Variants in PAPPA observed in about 807,000 individuals in gnomAD.
The protein encoded by PAPPA is pappalysin 1, also known as pappalysin-1.
In PAPPA, 60 loss-of-function variants were observed where a neutral mutation model predicts 164.0. The ratio of observed to expected loss-of-function variants is 0.37; its 90% CI spans 0.30 to 0.45. The LOEUF (loss-of-function observed/expected upper bound fraction) is 0.45. PAPPA is among the 20% of genes least tolerant of loss of function. The pLI, the probability that PAPPA is intolerant of heterozygous loss-of-function variation, is 1.00. For synonymous variants in PAPPA, 875 were observed against 814.1 expected, an observed-to-expected ratio of 1.07 and a Z score of -1.27; for missense variants, 1,782 against 2,087.3, an observed-to-expected ratio of 0.85 and a Z score of 2.85.
At chr9:116,300,260 C>G (rs76144739) in intron 9 of PAPPA, among the ~76,000 whole-genome samples, 24 of 150,706 alleles carry the variant, frequency 1.6e-4, no homozygotes, top group Admixed American at 1.1e-3. Flanking sequence ...TTCTGTTTTT[C>G]TTTTGTTTTG....
intron 1 of PAPPA, among the ~76,000 whole-genome samples, chr9:116,183,888 C>T (rs567122669): frequency 4.6e-5 from 7 of 152,224 alleles, no homozygotes; most frequent in South Asian, 2.1e-4. Context: ...TCCCAAGCCC[C>T]GGCAAGGTTC....
Position 116,332,326 on chromosome 9 carries a change from A to G in PAPPA, c.3262-7A>G. On this transcript the variant is annotated splice_region_variant and splice_polypyrimidine_tract_variant and intron_variant, in intron 11 of 21. Transcript: ENST00000328252. The stretch of plus-strand genomic sequence containing the variant: ...CATGTGACCCTCCTACGTCTTCACA[A>G]TTTCAGGCGTATTTTTCTCAACCAA... The G allele has an allele frequency of 6.2e-7, 1 of 1,611,162 alleles. No individual in the cohort carries two copies. Among genetic ancestry groups the G allele is most frequent in the Non-Finnish European group, 8.5e-7 (1 of 1,177,900 alleles).
chr9:116,154,394 C>A lies in PAPPA; in HGVS notation c.222C>A (p.Val74=). Residue 74 remains valine (V), a synonymous_variant, in exon 1 of 22, where the codon GTC becomes GTA. Coordinates refer to ENST00000328252, the MANE Select transcript of PAPPA (RefSeq NM_002581.5). The surrounding 1 kb of genome is among the most constrained non-coding windows in gnomAD (Gnocchi z 5.2). ...PPGGAWEAVR[V]PRRRQQREAR... ...GCGGTGCCTGGGAAGCCGTGCGCGT[C>A]CCCCGGCGGCGGCAGCAGCGGGAGG... 1.8e-6 allele frequency: 2 copies of A among 1,130,026 alleles called. No homozygotes were observed. The highest frequency in any genetic ancestry group is 2.2e-6 in the Non-Finnish European group (2 of 892,168). 70.0% of individuals were successfully genotyped at this position (1,130,026 alleles called of 1,614,324 possible).
chr9:116,363,419 G>A (rs1377516444), intron 18 of PAPPA, among the ~76,000 whole-genome samples: 1 of 152,156 alleles, frequency 6.6e-6, no homozygotes, highest in Non-Finnish European at 1.5e-5. Flanking sequence ...TCTTTGCATG[G>A]TGACAGGCCA....
rs555045945 is a variant in PAPPA at position 116,240,648 on chromosome 9, T to C, written c.2732+5011T>C. The stretch of plus-strand genomic sequence containing the variant: ...ACATAGATAATCTCATTTGATCTAA[T>C]CATCCCAACAACCCCACAATGTAGG... On this transcript the variant is annotated intron_variant, in intron 7 of 21. Coordinates refer to ENST00000328252, the MANE Select transcript of PAPPA (RefSeq NM_002581.5). Among the ~76,000 whole-genome samples the C allele has an allele frequency of 5.9e-5, 9 of 152,334 alleles. No individual in the cohort carries two copies. In the East Asian group the frequency reaches 1.5e-3, roughly 26 times the overall value.
At chr9:116,220,226 C>T in intron 5 of PAPPA, 97 bp downstream of exon 5, 1 of 930,220 alleles carries the variant, frequency 1.1e-6, no homozygotes, top group Non-Finnish European at 1.6e-6. Flanking sequence ...GATTTTACTG[C>T]ATTTCTTGTT....
intron 6 of PAPPA, among the ~76,000 whole-genome samples, chr9:116,231,009 A>C (rs888931462): frequency 6.6e-6 from 1 of 152,022 alleles, no homozygotes; most frequent in African/African-American, 2.4e-5. Flanking sequence ...GGTGTGCTTA[A>C]CTATTCACCT....
intron 1 of PAPPA, among the ~76,000 whole-genome samples, chr9:116,176,965 A>G (rs1248578609): frequency 1.5e-5 from 2 of 129,892 alleles, no homozygotes; most frequent in African/African-American, 5.5e-5. Context: ...GAGAGGAAAG[A>G]CCCCCCCCCC....
At chr9:116,167,010 A>T (rs1407895415) in intron 1 of PAPPA, among the ~76,000 whole-genome samples, 1 of 152,236 alleles carries the variant, frequency 6.6e-6, no homozygotes, top group Non-Finnish European at 1.5e-5. Context: ...CTGAATGAAC[A>T]TTATAAGATT....
chr9:116,231,766 C>CTTTCTT (rs752926276), intron 6 of PAPPA, among the ~76,000 whole-genome samples: 1 of 57,524 alleles, frequency 1.7e-5, no homozygotes, highest in Non-Finnish European at 3.1e-5. Context: ...TTTTCTTTTT[C>CTTTCTT]TTTTTTTTTT....
chr9:116,266,083 T>C, intron 8 of PAPPA, 98 bp downstream of exon 8: 1 of 1,082,074 alleles, frequency 9.2e-7, no homozygotes, highest in Non-Finnish European at 1.3e-6. Context: ...TATTCTTCAG[T>C]GCATGAGCTG....
At chr9:116,252,345 T>C (rs1844869424) in intron 7 of PAPPA, among the ~76,000 whole-genome samples, 1 of 152,226 alleles carries the variant, frequency 6.6e-6, no homozygotes, top group Admixed American at 6.5e-5. Flanking sequence ...TTTTCATTTA[T>C]TTAATCCAGA....
intron 14 of PAPPA, among the ~76,000 whole-genome samples, chr9:116,345,629 G>A (rs1199933093): frequency 6.6e-6 from 1 of 152,166 alleles, no homozygotes; most frequent in Admixed American, 6.5e-5. Flanking sequence ...TCAGATCCTG[G>A]TTGACAAAGT....
Position 116,228,746 on chromosome 9 carries a change from G to A in PAPPA, c.2233+1194G>A, listed in dbSNP as rs534465152. Among the ~76,000 whole-genome samples the A allele has an allele frequency of 7.2e-5, 11 of 152,264 alleles. No individual in the cohort carries two copies. The East Asian group carries it at 7.7e-4, about 11-fold the overall frequency. ...AGGGATGCCTGGGGTCATCTGGCCC[G>A]GGCTCCCCCCAAGTGCAGGAATCCC... On this transcript the variant is annotated intron_variant, in intron 6 of 21. Coordinates refer to ENST00000328252, the MANE Select transcript of PAPPA (RefSeq NM_002581.5).
chr9:116,204,674 C>T (rs941661712), intron 2 of PAPPA, among the ~76,000 whole-genome samples: 1 of 152,114 alleles, frequency 6.6e-6, no homozygotes, highest in Non-Finnish European at 1.5e-5. Flanking sequence ...CCTTGGCTGC[C>T]CAAAGTGCTG....
At chr9:116,281,058 A>G (rs1845259840) in intron 9 of PAPPA, among the ~76,000 whole-genome samples, 1 of 152,268 alleles carries the variant, frequency 6.6e-6, no homozygotes. Flanking sequence ...AAACAGCACA[A>G]ATAGAAAAAA....
intron 3 of PAPPA, among the ~76,000 whole-genome samples, chr9:116,208,788 T>A (rs1844269530): frequency 6.6e-6 from 1 of 152,164 alleles, no homozygotes; most frequent in South Asian, 2.1e-4. Flanking sequence ...CAGACGACTC[T>A]CATTTCTCAA....
chr9:116,240,294 A>G (rs763499400), intron 7 of PAPPA, among the ~76,000 whole-genome samples: 4 of 152,190 alleles, frequency 2.6e-5, no homozygotes, highest in Non-Finnish European at 5.9e-5. Context: ...AAAGAGAGGG[A>G]CAGGCAAGCA....
At chr9:116,258,592 G>T (rs954852840) in intron 7 of PAPPA, among the ~76,000 whole-genome samples, 3 of 151,946 alleles carry the variant, frequency 2.0e-5, no homozygotes, top group Non-Finnish European at 4.4e-5. Context: ...GGAGGCGGAG[G>T]TTGAGGTGAG....
Sources: gnomAD v4.1 joint callset for allele counts (sites outside exome capture counted in the v4.1 genomes callset) on GRCh38, gnomAD v4.1.1 for gene constraint, Gnocchi (gnomAD v3.1) non-coding constraint, MANE v1.5 for transcripts, NCBI Gene and HGNC (gene_info 2026-07-23, HGNC 2026-07-21) for gene names.